METTL21A: variants seen among roughly 807,000 people sequenced by gnomAD.
METTL21A encodes protein N-lysine methyltransferase METTL21A.
METTL21A carries 22 observed loss-of-function variants against 20.9 expected under a neutral mutation model. The ratio of observed to expected loss-of-function variants is 1.05; its 90% CI spans 0.75 to 1.50. The LOEUF (loss-of-function observed/expected upper bound fraction) is 1.50. Among genes scored for constraint, METTL21A ranks in the 40% most tolerant of loss-of-function variants. The pLI, the probability that METTL21A is intolerant of heterozygous loss-of-function variation, is 0.00. For synonymous variants in METTL21A, 93 were observed against 102.0 expected (o/e 0.91, Z 0.53); for missense variants, 271 against 266.8 (o/e 1.02, Z -0.11).
intron 3 of METTL21A, chr2:207,599,862 A>C (rs188447438): frequency 2.4e-4 from 46 of 195,512 alleles, no homozygotes; most frequent in African/African-American, 1.0e-3. Flanking sequence ...AAGGGAATAA[A>C]AATGTCATCA....
chr2:207,602,513 C>A (rs2087252093), intron 3 of METTL21A: 1 of 208,358 alleles, frequency 4.8e-6, no homozygotes, highest in South Asian at 1.9e-4. Flanking sequence ...TATGGCATTT[C>A]CAAGCTTTTG....
chr2:207,623,489 T>C (rs552866839), intron 2 of METTL21A, among the ~76,000 whole-genome samples: 12 of 152,330 alleles, frequency 7.9e-5, no homozygotes, highest in African/African-American at 2.9e-4. Flanking sequence ...ATTACAACTA[T>C]GGAAAACTTA....
At chr2:207,590,829 T>G (rs1338849805) in intron 3 of METTL21A, among the ~76,000 whole-genome samples, 1 of 152,176 alleles carries the variant, frequency 6.6e-6, no homozygotes, top group East Asian at 1.9e-4. Context: ...AAATAATTGA[T>G]TTAAGCCCTT....
downstream of METTL21A, chr2:207,580,651 C>T (rs1275607074): frequency 1.4e-5 from 3 of 219,840 alleles, 1 homozygote; most frequent in Admixed American, 1.7e-4. Context: ...TCCAAATTGC[C>T]ATTTATTTCA....
intron 3 of METTL21A, chr2:207,615,677 AGAGT>A (rs1403235176): frequency 6.7e-6 from 1 of 149,468 alleles, no homozygotes; most frequent in East Asian, 1.9e-4. Context: ...GCCTGGCAAC[AGAGT>A]GAGACTCCGT....
chr2:207,597,580 TA>T, intron 3 of METTL21A: 1 of 209,326 alleles, frequency 4.8e-6, no homozygotes, highest in Non-Finnish European at 9.7e-6. Context: ...ACATACCCTC[TA>T]AAAAAGAACT....
At chr2:207,606,430 C>T (rs531206824), downstream of METTL21A, among the ~76,000 whole-genome samples, 12 of 152,210 alleles carry the variant, frequency 7.9e-5, no homozygotes, top group Admixed American at 2.6e-4. Flanking sequence ...TGCAGTGAGC[C>T]GAGATTGCGC....
intron 3 of METTL21A, among the ~76,000 whole-genome samples, chr2:207,617,501 G>A (rs1479839765): frequency 6.6e-6 from 1 of 152,228 alleles, no homozygotes; most frequent in African/African-American, 2.4e-5. Flanking sequence ...AGAGCAGGAT[G>A]TGTGTCCCAG....
intron 3 of METTL21A, among the ~76,000 whole-genome samples, chr2:207,617,032 G>A (rs896020610): frequency 1.3e-5 from 2 of 152,148 alleles, no homozygotes; most frequent in Non-Finnish European, 2.9e-5. Flanking sequence ...ATTTATGCTG[G>A]GTAAGGAGGG....
intron 3 of METTL21A, among the ~76,000 whole-genome samples, chr2:207,582,401 T>A (rs112944732): frequency 1.1e-3 from 161 of 152,350 alleles, no homozygotes; most frequent in African/African-American, 3.7e-3. Context: ...CTGAATTCTA[T>A]AAACAAGATT....
chr2:207,592,176 G>C (rs1045892404), intron 3 of METTL21A, among the ~76,000 whole-genome samples: 2 of 152,068 alleles, frequency 1.3e-5, no homozygotes, highest in African/African-American at 4.8e-5. Context: ...TTAAGGCTGA[G>C]GTAGGCGGAT....
chr2:207,615,094 A>C (rs1487863580), intron 3 of METTL21A, among the ~76,000 whole-genome samples: 2 of 152,204 alleles, frequency 1.3e-5, no homozygotes, highest in African/African-American at 4.8e-5. Context: ...ACAAGCCTGA[A>C]CCTACCACTT....
chr2:207,601,480 G>A (rs1055225410), intron 3 of METTL21A: 42 of 192,218 alleles, frequency 2.2e-4, no homozygotes, highest in African/African-American at 9.3e-4. Flanking sequence ...ATTAAAAGAC[G>A]GGCTCAAACC....
At chr2:207,599,273 T>C (rs1345034210) in intron 3 of METTL21A, 3 of 205,082 alleles carry the variant, frequency 1.5e-5, no homozygotes, top group African/African-American at 2.3e-5. Context: ...TAAAAACTGG[T>C]TTAACAGAAA....
chr2:207,621,715 G>T, intron 3 of METTL21A, 91 bp downstream of exon 3: 1 of 1,140,006 alleles, frequency 8.8e-7, no homozygotes, highest in South Asian at 1.3e-5. Context: ...CCCAGTAAGG[G>T]GAAAACCCAC....
chr2:207,598,852 A>T (rs1315316850), intron 3 of METTL21A: 3 of 26,746 alleles, frequency 1.1e-4, no homozygotes, highest in Non-Finnish European at 1.9e-4. Context: ...AATAAAAATA[A>T]AAAAAATGTC....
chr2:207,596,031 T>G (rs1259178834), intron 3 of METTL21A, among the ~76,000 whole-genome samples: 2 of 152,240 alleles, frequency 1.3e-5, no homozygotes, highest in African/African-American at 4.8e-5. Context: ...GCTTTTGGTG[T>G]TGTATTTAAG....
At chr2:207,618,675 TC>T (rs2090093256) in intron 3 of METTL21A, among the ~76,000 whole-genome samples, 1 of 151,824 alleles carries the variant, frequency 6.6e-6, no homozygotes, top group South Asian at 2.1e-4. Context: ...ACCACTGCAC[TC>T]CAGCCTGGGT....
At chr2:207,596,905 T>G in intron 3 of METTL21A, 1 of 1,598,648 alleles carries the variant, frequency 6.3e-7, no homozygotes, top group East Asian at 2.2e-5. Context: ...CGTCCTCTTT[T>G]GCTTGTAGGG....
Sources: gnomAD v4.1 joint callset for allele counts (sites outside exome capture counted in the v4.1 genomes callset) on GRCh38, gnomAD v4.1.1 for gene constraint, MANE v1.5 for transcripts, NCBI Gene and HGNC (gene_info 2026-07-23, HGNC 2026-07-21) for gene names.